The following PCDHGA2 variants were observed in gnomAD, a reference collection of about 807,000 sequenced individuals.
The protein encoded by PCDHGA2 is protocadherin gamma subfamily A, 2.
In PCDHGA2, 40 loss-of-function variants were observed where a neutral mutation model predicts 59.2. The observed-to-expected ratio is 0.68, with a 90% CI of 0.52 to 0.88. PCDHGA2 has a LOEUF of 0.88. Ranked by LOEUF, PCDHGA2 falls within the 40% of genes least tolerant of loss-of-function variation. The probability of loss-of-function intolerance (pLI) is 0.00; values close to 1 mark genes in which losing one functional copy is unlikely to be tolerated. For synonymous variants in PCDHGA2, 560 were observed against 526.0 expected (o/e 1.06, Z -0.89); for missense variants, 1,226 against 1,204.0 (o/e 1.02, Z -0.27).
chr5:141,417,566 C>G, intron 1 of PCDHGA2: 1 of 362,746 alleles, frequency 2.8e-6, no homozygotes. Context: ...AGAGAAAAGT[C>G]AAGTTGCAGT....
intron 1 of PCDHGA2, among the ~76,000 whole-genome samples, chr5:141,484,322 T>C (rs2099594801): frequency 6.6e-6 from 1 of 152,214 alleles, no homozygotes; most frequent in Non-Finnish European, 1.5e-5. Flanking sequence ...TTCCATACTG[T>C]CCTTGAAATC....
intron 1 of PCDHGA2, among the ~76,000 whole-genome samples, chr5:141,462,223 G>A (rs563764515): frequency 2.0e-5 from 3 of 152,144 alleles, no homozygotes; most frequent in Admixed American, 2.0e-4. Flanking sequence ...GCCTCCCAAA[G>A]TGCAGGGATT....
chr5:141,485,821 T>C lies in PCDHGA2; in HGVS notation c.2425-8986T>C, dbSNP rs765768266. 4 of 1,614,134 alleles carry C rather than the reference T, an allele frequency of 2.5e-6. No homozygotes were observed. Among genetic ancestry groups the C allele is most frequent in the Admixed American group, 1.7e-5 (1 of 60,014 alleles). ...ACCGCCTGGTGCTGACTGCTGTCGATGGAGGGAACCCGCCGAGATCTGGCA... is the reference window on the plus strand; with the variant it reads ...ACCGCCTGGTGCTGACTGCTGTCGACGGAGGGAACCCGCCGAGATCTGGCA... On this transcript the variant is annotated intron_variant, in intron 1 of 3. Coordinates refer to ENST00000394576, the MANE Select transcript of PCDHGA2 (RefSeq NM_018915.4). This position sits in a 1 kb window ranked among gnomAD's most constrained non-coding sequence, Gnocchi z 5.7.
intron 1 of PCDHGA2, among the ~76,000 whole-genome samples, chr5:141,467,039 A>G (rs1467529268): frequency 2.6e-5 from 4 of 150,960 alleles, no homozygotes; most frequent in Non-Finnish European, 5.9e-5. Context: ...TTTTTTGTGT[A>G]ATGAATCAAT....
intron 1 of PCDHGA2, chr5:141,479,399 T>C (rs2099494765): frequency 6.6e-6 from 1 of 152,576 alleles, no homozygotes; most frequent in African/African-American, 2.4e-5. Flanking sequence ...AGTTCTGGGC[T>C]GTGGTGCACT....
chr5:141,355,667 A>T, intron 1 of PCDHGA2: 1 of 1,614,018 alleles, frequency 6.2e-7, no homozygotes, highest in Non-Finnish European at 8.5e-7. Context: ...CCTCTTCCTG[A>T]AGCTTTTGAT....
rs894686520 is a variant in PCDHGA2 at position 141,339,707 on chromosome 5, G to C, written c.736G>C (p.Glu246Gln). ...NDNAPVFTQPEYRISIPENTL... is the reference protein window; with the variant it reads ...NDNAPVFTQPQYRISIPENTL... The stretch of plus-strand genomic sequence containing the variant: ...CAATGCGCCTGTTTTTACACAGCCC[G>C]AGTACCGCATAAGCATTCCGGAGAA... Residue 246 changes from glutamate (E) to glutamine (Q), a missense_variant, in exon 1 of 4, where the codon GAG becomes CAG. Coordinates refer to ENST00000394576, the MANE Select transcript of PCDHGA2 (RefSeq NM_018915.4). The C allele has an allele frequency of 1.2e-6, 2 of 1,614,142 alleles. No individual in the cohort carries two copies. Among genetic ancestry groups the C allele is most frequent in the Non-Finnish European group, 8.5e-7 (1 of 1,180,030 alleles).
In PCDHGA2 at chr5:141,370,388, G is replaced by A. The variant is rs10052885; in HGVS notation, c.2424+28993G>A. 6.8e-4 allele frequency: 1,046 copies of A among 1,542,246 alleles called. 12 individuals carry two copies. In the African/African-American group the frequency reaches 0.013, roughly 19 times the overall value. Reference sequence around the variant, plus strand: ...GGATTTAGAAAGGCAAAGGCGCAGAGAGCGGGATGGGAAATAGCTCCGGAT... The same window carrying A: ...GGATTTAGAAAGGCAAAGGCGCAGAAAGCGGGATGGGAAATAGCTCCGGAT... On this transcript the variant is annotated intron_variant, in intron 1 of 3. Coordinates refer to ENST00000394576, the MANE Select transcript of PCDHGA2 (RefSeq NM_018915.4).
At chr5:141,403,588 C>T in intron 1 of PCDHGA2, 1 of 1,613,904 alleles carries the variant, frequency 6.2e-7, no homozygotes, top group South Asian at 1.1e-5. Flanking sequence ...ACCTGGTCCT[C>T]ACGGCCTCGG....
chr5:141,385,537 T>C (rs1486400401), intron 1 of PCDHGA2: 7 of 1,341,300 alleles, frequency 5.2e-6, no homozygotes, highest in Non-Finnish European at 6.7e-6. Flanking sequence ...ATTATGAATA[T>C]GTGGACTATC....
At chr5:141,414,897 C>A (rs2095799678) in intron 1 of PCDHGA2, 7 of 1,614,230 alleles carry the variant, frequency 4.3e-6, no homozygotes, top group Non-Finnish European at 5.9e-6. Flanking sequence ...TCCCCACAGA[C>A]GGTTCCACAG....
At chr5:141,350,634 A>G (rs1251918772) in intron 1 of PCDHGA2, 1 of 1,614,046 alleles carries the variant, frequency 6.2e-7, no homozygotes, top group African/African-American at 1.3e-5. Context: ...GATATTAATG[A>G]CAATGCACCA....
Position 141,340,557 on chromosome 5 carries a change from A to T in PCDHGA2, c.1586A>T (p.Gln529Leu), listed in dbSNP as rs1416279472. ...SFDYEQLRDL[Q>L]VWVIARDSGN... Reference sequence around the variant, plus strand: ...GATTATGAGCAGTTGCGAGACTTGCAAGTGTGGGTGATAGCGCGGGACAGC... The same window carrying T: ...GATTATGAGCAGTTGCGAGACTTGCTAGTGTGGGTGATAGCGCGGGACAGC... Residue 529 changes from glutamine (Q) to leucine (L), a missense_variant, in exon 1 of 4, where the codon CAA (glutamine) becomes CTA (leucine). Physicochemically the swap from Gln to Leu is moderately radical, Grantham distance 113. Coordinates refer to ENST00000394576, the MANE Select transcript of PCDHGA2 (RefSeq NM_018915.4). The T allele has an allele frequency of 6.2e-7, 1 of 1,614,102 alleles. No homozygotes were observed. Among genetic ancestry groups the T allele is most frequent in the African/African-American group, 1.3e-5 (1 of 74,928 alleles).
chr5:141,376,090 C>T (rs372887480), intron 1 of PCDHGA2: 11 of 1,613,674 alleles, frequency 6.8e-6, no homozygotes, highest in Admixed American at 1.7e-5. Context: ...ACAGGATCCC[C>T]GACATCCTGG....
At position 141,431,398 on chromosome 5, in the gene PCDHGA2, G is replaced by A. The variant is rs1052461071; in HGVS notation, c.2425-63409G>A. ...AGGCTGCTCACCACCTGGTCCTTACGGCCTCCGACGGGGGCGACCCGGTGC... is the reference window on the plus strand; with the variant it reads ...AGGCTGCTCACCACCTGGTCCTTACAGCCTCCGACGGGGGCGACCCGGTGC... On this transcript the variant is annotated intron_variant, in intron 1 of 3. Coordinates refer to ENST00000394576, the MANE Select transcript of PCDHGA2 (RefSeq NM_018915.4). This position sits in a 1 kb window ranked among gnomAD's most constrained non-coding sequence, Gnocchi z 4.8. The A allele has an allele frequency of 6.8e-6, 11 of 1,613,768 alleles. No homozygotes were observed. Among genetic ancestry groups the A allele is most frequent in the Non-Finnish European group, 9.3e-6 (11 of 1,180,036 alleles).
In PCDHGA2 at chr5:141,374,991, C is replaced by T. The variant is rs1470236717; in HGVS notation, c.2424+33596C>T. 4 of 1,614,036 alleles carry T rather than the reference C, an allele frequency of 2.5e-6. No individual in the cohort carries two copies. The Admixed American group carries it at 5.0e-5, about 20-fold the overall frequency. ...AATGTTTTGACTGGAGAAATTTCAACTTCTGCAAATCTAGACTATGAGGAC... is the reference window on the plus strand; with the variant it reads ...AATGTTTTGACTGGAGAAATTTCAATTTCTGCAAATCTAGACTATGAGGAC... On this transcript the variant is annotated intron_variant, in intron 1 of 3. Transcript: ENST00000394576.
chr5:141,339,397 C>T lies in PCDHGA2; in HGVS notation c.426C>T (p.Ile142=). The change falls in exon 1 of 4, where the codon ATC becomes ATT. Residue 142 remains isoleucine (I), a synonymous_variant. Coordinates refer to ENST00000394576, the MANE Select transcript of PCDHGA2 (RefSeq NM_018915.4). ...GAGTAGAGGAACTGGAGCTAAAAAT[C>T]AGTGAAACCACTACGCCAGGATTCC... ...RFGVEELELK[I]SETTTPGFRI... 1 of 1,614,220 alleles carries T rather than the reference C, an allele frequency of 6.2e-7. No individual in the cohort carries two copies. Among genetic ancestry groups the T allele is most frequent in the Non-Finnish European group, 8.5e-7 (1 of 1,180,028 alleles).
At chr5:141,409,942 C>T (rs1168442761) in intron 1 of PCDHGA2, 4 of 1,613,284 alleles carry the variant, frequency 2.5e-6, no homozygotes, top group South Asian at 1.1e-5. Flanking sequence ...TGGTACCTCG[C>T]TCTGCAGAGC....
In PCDHGA2 at chr5:141,366,453, T is replaced by C. The variant is rs1477570113; in HGVS notation, c.2424+25058T>C. On this transcript the variant is annotated intron_variant, in intron 1 of 3. Coordinates refer to ENST00000394576, the MANE Select transcript of PCDHGA2 (RefSeq NM_018915.4). Reference sequence around the variant, plus strand: ...GTCTCCTGCGTCTTCCTGGCCTTCGTCATCGTGCTGCTGGTGCTCAGACTG... The same window carrying C: ...GTCTCCTGCGTCTTCCTGGCCTTCGCCATCGTGCTGCTGGTGCTCAGACTG... 7 of 1,614,220 alleles carry C rather than the reference T, an allele frequency of 4.3e-6. No individual in the cohort carries two copies. The Admixed American group carries it at 1.0e-4, about 23-fold the overall frequency.
Sources: allele counts gnomAD v4.1 joint callset (sites outside exome capture counted in the v4.1 genomes callset), GRCh38; gene constraint gnomAD v4.1.1; non-coding constraint Gnocchi (gnomAD v3.1); transcripts MANE v1.5; gene names NCBI Gene and HGNC (gene_info 2026-07-23, HGNC 2026-07-21).